SEMA6A: variants seen among roughly 807,000 people sequenced by gnomAD.
The protein encoded by SEMA6A is semaphorin 6A, also known as semaphorin-6A.
In SEMA6A, 25 loss-of-function variants were observed where a neutral mutation model predicts 96.8. That is an observed-to-expected ratio of 0.26 (90% CI 0.19 to 0.36). SEMA6A has a LOEUF of 0.36. Among genes scored for constraint, SEMA6A ranks in the 10% least tolerant of loss-of-function variants. The pLI is 1.00. For missense variants in SEMA6A, 1,363 were observed against 1,323.1 expected (o/e 1.03, Z -0.47); for synonymous variants, 612 against 518.0 (o/e 1.18, Z -2.46).
At chr5:116,507,271 G>C (rs1348018847) in intron 1 of SEMA6A, among the ~76,000 whole-genome samples, 2 of 152,162 alleles carry the variant, frequency 1.3e-5, no homozygotes, top group African/African-American at 4.8e-5. Context: ...CAGTCCACAT[G>C]AACACTTTAA....
chr5:116,567,608 G>A (rs553571793), intron 1 of SEMA6A, among the ~76,000 whole-genome samples: 5 of 152,242 alleles, frequency 3.3e-5, no homozygotes, highest in Middle Eastern at 3.4e-3. Flanking sequence ...GAAAACTGAA[G>A]GAGAAAGGAA....
rs866119316 is a variant in SEMA6A, at chr5:116,482,449, C to T, written c.1089G>A (p.Lys363=). Residue 363 remains lysine, a synonymous_variant, in exon 11 of 19, where the codon AAG becomes AAA. Coordinates refer to ENST00000343348, the MANE Select transcript of SEMA6A (RefSeq NM_020796.5). ...WTPVPDERVP[K]PRPGCCAGSS... is the part of the protein sequence containing the mutation. ...ATATGAATATTTGCACATACCTGGG[C>T]TTAGGAACTCGTTCATCAGGAACTG... The T allele has an allele frequency of 6.2e-7, 1 of 1,612,972 alleles. No homozygotes were observed. Among genetic ancestry groups the T allele is most frequent in the Middle Eastern group, 1.7e-4 (1 of 6,052 alleles).
At chr5:116,536,380 T>C (rs1759709439) in intron 1 of SEMA6A, 1 of 152,134 alleles carries the variant, frequency 6.6e-6, no homozygotes, top group African/African-American at 2.4e-5. Flanking sequence ...ACCAGATATT[T>C]ACCATCAGCT....
chr5:116,514,170 G>T (rs144143596), intron 1 of SEMA6A, among the ~76,000 whole-genome samples: 7 of 152,128 alleles, frequency 4.6e-5, no homozygotes, highest in Non-Finnish European at 1.0e-4. Flanking sequence ...TTGCTGGGTC[G>T]AATGGTATTT....
chr5:116,512,440 A>G (rs1056307759), intron 1 of SEMA6A, among the ~76,000 whole-genome samples: 13 of 152,192 alleles, frequency 8.5e-5, no homozygotes, highest in African/African-American at 3.1e-4. Context: ...CCTAACTTCA[A>G]CACATTTTGG....
rs1580372796 is a variant in SEMA6A, at chr5:116,456,192, A to C, written c.1895-8381T>G. Among the ~76,000 whole-genome samples, 3 of 152,306 alleles carry C rather than the reference A, an allele frequency of 2.0e-5. No homozygotes were observed. In the South Asian group the frequency reaches 6.2e-4, roughly 32 times the overall value. ...CCATCAGCAACGTGGAAAATGTCTG[A>C]ATCAGTGCCACTCAGCATTAACATC... On this transcript the variant is annotated intron_variant, in intron 18 of 18. Coordinates refer to ENST00000343348, the MANE Select transcript of SEMA6A (RefSeq NM_020796.5).
At chr5:116,557,853 GA>G (rs1760668202) in intron 1 of SEMA6A, among the ~76,000 whole-genome samples, 1 of 152,182 alleles carries the variant, frequency 6.6e-6, no homozygotes, top group South Asian at 2.1e-4. Context: ...TGGTTGTGCT[GA>G]GATTCAGTAA....
rs768172141 is a variant in SEMA6A at position 116,478,091 on chromosome 5, G to A, written c.1491C>T (p.Ser497=). 34 of 1,613,830 alleles carry A rather than the reference G, an allele frequency of 2.1e-5. No individual in the cohort carries two copies. The highest frequency in any genetic ancestry group is 9.3e-6 in the Non-Finnish European group (11 of 1,179,860). ...AGGTAGAGAACGCAACATACAGAGAGCTGCTTGCTCTGTCCAGCTGCATGC... is the reference window on the plus strand; with the variant it reads ...AGGTAGAGAACGCAACATACAGAGAACTGCTTGCTCTGTCCAGCTGCATGC... ...IMGMQLDRAS[S]SLYVAFSTCV... The change falls in exon 14 of 19, where the codon AGC becomes AGT. Residue 497 remains serine, a synonymous_variant. Coordinates refer to ENST00000343348, the MANE Select transcript of SEMA6A (RefSeq NM_020796.5).
intron 18 of SEMA6A, among the ~76,000 whole-genome samples, chr5:116,451,126 GT>G (rs973399913): frequency 6.6e-6 from 1 of 152,256 alleles, no homozygotes; most frequent in Admixed American, 6.5e-5. Flanking sequence ...CTGGGCCTCA[GT>G]TTTTTTATCT....
chr5:116,467,870 A>G (rs1386224618), intron 17 of SEMA6A, 123 bp from the exon 18 acceptor site: 4 of 817,706 alleles, frequency 4.9e-6, no homozygotes, highest in Non-Finnish European at 7.4e-6. Context: ...GGCCCTAGAA[A>G]TGACACGGCT....
intron 1 of SEMA6A, among the ~76,000 whole-genome samples, chr5:116,512,811 GC>G (rs1252392271): frequency 2.6e-5 from 4 of 151,876 alleles, no homozygotes; most frequent in African/African-American, 9.7e-5. Flanking sequence ...CTGGGACTCT[GC>G]TGCTATAGTC....
intron 18 of SEMA6A, among the ~76,000 whole-genome samples, chr5:116,453,184 G>A (rs1561464211): frequency 6.6e-6 from 1 of 152,180 alleles, no homozygotes; most frequent in South Asian, 2.1e-4. Flanking sequence ...CTGGAGGCAT[G>A]AGCCACCCTT....
At chr5:116,494,874 C>A (rs942921831) in intron 6 of SEMA6A, among the ~76,000 whole-genome samples, 1 of 152,192 alleles carries the variant, frequency 6.6e-6, no homozygotes. Context: ...TCAAAACCAG[C>A]TAGATTTACT....
rs1414397179 is a variant in SEMA6A at position 116,478,673 on chromosome 5, A to G, written c.1296T>C (p.Tyr432=). 2 of 1,613,778 alleles carry G rather than the reference A, an allele frequency of 1.2e-6. No homozygotes were observed. Among genetic ancestry groups the G allele is most frequent in the Non-Finnish European group, 1.7e-6 (2 of 1,179,812 alleles). Residue 432 remains tyrosine, a synonymous_variant, in exon 13 of 19, where the codon TAT becomes TAC. Coordinates refer to ENST00000343348, the MANE Select transcript of SEMA6A (RefSeq NM_020796.5). ...CCAGAAAAACCACAGTGTGATTCTG[A>G]TATGGCCCAGCAGCTGTGTCCACTG... ...KIAVDTAAGP[Y]QNHTVVFLGS...
At chr5:116,521,672 T>C (rs1758954262) in intron 1 of SEMA6A, among the ~76,000 whole-genome samples, 3 of 151,376 alleles carry the variant, frequency 2.0e-5, no homozygotes, top group Admixed American at 1.3e-4. Flanking sequence ...CTGGGGAAGG[T>C]ATGAGAGAGA....
At chr5:116,553,738 G>A (rs571878302) in intron 1 of SEMA6A, among the ~76,000 whole-genome samples, 5 of 152,148 alleles carry the variant, frequency 3.3e-5, no homozygotes, top group Non-Finnish European at 7.3e-5. Flanking sequence ...ATGGGAAAGA[G>A]GGGGTGGATT....
rs766321924 is a variant in SEMA6A, at chr5:116,478,007, T to C, written c.1568+7A>G. 3 of 1,613,890 alleles carry C rather than the reference T, an allele frequency of 1.9e-6. No homozygotes were observed. In the East Asian group the frequency reaches 6.7e-5, roughly 36 times the overall value. On this transcript the variant is annotated splice_region_variant and intron_variant, in intron 14 of 18. Transcript: ENST00000343348. ...CTTTCTAATTGTCAATGAGGCAAAA[T>C]ACATACTTTTTACACTTCCCATGTC...
chr5:116,526,136 C>T (rs1303898158), intron 1 of SEMA6A, among the ~76,000 whole-genome samples: 1 of 151,052 alleles, frequency 6.6e-6, no homozygotes, highest in African/African-American at 2.5e-5. Context: ...CCTTTTCCCC[C>T]CTTCTTTTTT....
intron 1 of SEMA6A, among the ~76,000 whole-genome samples, chr5:116,521,244 C>T (rs1214655210): frequency 6.6e-6 from 1 of 152,206 alleles, no homozygotes; most frequent in Non-Finnish European, 1.5e-5. Flanking sequence ...GTTGTGTGGC[C>T]TTCCTGGGAC....
Sources: gnomAD v4.1 joint callset for allele counts (sites outside exome capture counted in the v4.1 genomes callset) on GRCh38, gnomAD v4.1.1 for gene constraint, MANE v1.5 for transcripts, NCBI Gene and HGNC (gene_info 2026-07-23, HGNC 2026-07-21) for gene names.